The following TENM2 variants were observed in gnomAD, a reference collection of about 807,000 sequenced individuals.
The protein encoded by TENM2 is teneurin-2.
TENM2 carries 52 observed loss-of-function variants against 245.2 expected under a neutral mutation model. That is an observed-to-expected ratio of 0.21 (90% CI 0.17 to 0.27). The LOEUF is 0.27. Ranked by LOEUF, TENM2 falls within the 10% of genes least tolerant of loss-of-function variation. The pLI is 1.00. For synonymous variants in TENM2, 1,363 were observed against 1,438.9 expected, an observed-to-expected ratio of 0.95 and a Z score of 1.19; for missense variants, 3,046 against 3,666.8, an observed-to-expected ratio of 0.83 and a Z score of 4.37.
At chr5:166,982,609 GA>G in the TENM2 span, among the ~76,000 whole-genome samples, 1 of 152,082 alleles carries the variant, frequency 6.6e-6, no homozygotes, top group African/African-American at 2.4e-5. Context: ...GGGGCAACAT[GA>G]AAAGCCTATG....
chr5:167,160,568 G>A, the TENM2 span, among the ~76,000 whole-genome samples: 2 of 152,232 alleles, frequency 1.3e-5, no homozygotes. Context: ...GACACAATTT[G>A]CTTCGCTGGA....
intron 2 of TENM2, among the ~76,000 whole-genome samples, chr5:167,848,093 G>A (rs1770215763): frequency 6.6e-6 from 1 of 152,162 alleles, no homozygotes; most frequent in African/African-American, 2.4e-5. Flanking sequence ...TGCTGAGCAT[G>A]CCCAATAACA....
At chr5:167,034,755 G>T in the TENM2 span, among the ~76,000 whole-genome samples, 1 of 151,332 alleles carries the variant, frequency 6.6e-6, no homozygotes, top group Non-Finnish European at 1.5e-5. Flanking sequence ...GACAATTTCC[G>T]AGTCTCTTTG....
At chr5:167,401,911 T>G (rs1441872438) in intron 2 of TENM2, among the ~76,000 whole-genome samples, 1 of 152,140 alleles carries the variant, frequency 6.6e-6, no homozygotes, top group Non-Finnish European at 1.5e-5. Flanking sequence ...ACAGAACTTA[T>G]AGAGGATATA....
At chr5:168,018,031 T>G (rs989631378) in intron 5 of TENM2, among the ~76,000 whole-genome samples, 3 of 152,246 alleles carry the variant, frequency 2.0e-5, no homozygotes, top group African/African-American at 7.2e-5. Flanking sequence ...ACAGAAGAGC[T>G]GTCTTTGTTT....
the TENM2 span, among the ~76,000 whole-genome samples, chr5:167,096,242 A>T: frequency 6.6e-6 from 1 of 152,320 alleles, no homozygotes; most frequent in South Asian, 2.1e-4. Flanking sequence ...CACCTCACAT[A>T]CTTATCTCTC....
At chr5:167,711,879 A>G (rs1758934854) in intron 2 of TENM2, among the ~76,000 whole-genome samples, 1 of 152,200 alleles carries the variant, frequency 6.6e-6, no homozygotes, top group African/African-American at 2.4e-5. Flanking sequence ...TTTCAGAGTA[A>G]CTTATTTCAG....
chr5:167,117,549 A>G, the TENM2 span, among the ~76,000 whole-genome samples: 1 of 152,154 alleles, frequency 6.6e-6, no homozygotes, highest in Non-Finnish European at 1.5e-5. Flanking sequence ...ATAAAAACAT[A>G]GAGGTGAACA....
the TENM2 span, among the ~76,000 whole-genome samples, chr5:167,148,567 T>C: frequency 6.6e-6 from 1 of 152,200 alleles, no homozygotes; most frequent in Non-Finnish European, 1.5e-5. Flanking sequence ...CAAACATCTG[T>C]AGTTTTTAGT....
At chr5:168,084,165 A>G (rs972155528) in intron 7 of TENM2, among the ~76,000 whole-genome samples, 1 of 152,188 alleles carries the variant, frequency 6.6e-6, no homozygotes, top group African/African-American at 2.4e-5. Context: ...CACTCTTGGT[A>G]GGCACCTAGG....
the TENM2 span, among the ~76,000 whole-genome samples, chr5:167,246,733 A>G: frequency 6.6e-6 from 1 of 151,832 alleles, no homozygotes; most frequent in Non-Finnish European, 1.5e-5. Flanking sequence ...CTGCTTGCCC[A>G]TGTGTTTATA....
At chr5:167,596,577 A>G (rs1054306677) in intron 2 of TENM2, among the ~76,000 whole-genome samples, 18 of 152,076 alleles carry the variant, frequency 1.2e-4, no homozygotes, top group Non-Finnish European at 2.6e-4. Context: ...GCGGATCACG[A>G]GGTTAGGAGA....
In TENM2 at chr5:167,327,135, AT is replaced by A. The variant is rs1269757794; in HGVS notation, c.226+42075del. On this transcript the variant is annotated intron_variant, in intron 1 of 28. Coordinates refer to ENST00000518659, the Ensembl canonical transcript of TENM2. ...GGTGTGCTGCACCCATTAACTCGTC[AT>A]TTAGCATTAGATATATCTCCTAATG... Among the ~76,000 whole-genome samples, 5 of 152,170 alleles carry A rather than the reference AT, an allele frequency of 3.3e-5. No homozygotes were observed. The South Asian group carries it at 6.2e-4, about 19-fold the overall frequency.
intron 2 of TENM2, among the ~76,000 whole-genome samples, chr5:167,749,778 C>A (rs191225109): frequency 7.7e-4 from 117 of 152,230 alleles, no homozygotes; most frequent in African/African-American, 2.6e-3. Flanking sequence ...CAGTCAATGA[C>A]TGTGCACTGG....
At chr5:168,066,633 A>G (rs1236675608) in intron 7 of TENM2, among the ~76,000 whole-genome samples, 2 of 152,286 alleles carry the variant, frequency 1.3e-5, no homozygotes, top group Non-Finnish European at 2.9e-5. Flanking sequence ...GGTAGGTATT[A>G]TATATTGAGC....
chr5:167,822,262 T>G (rs1400561301), intron 2 of TENM2, among the ~76,000 whole-genome samples: 2 of 152,134 alleles, frequency 1.3e-5, no homozygotes, highest in African/African-American at 2.4e-5. Context: ...TGAGGGGTTG[T>G]CAATAAGCTG....
chr5:167,813,938 C>T (rs1265708497), intron 2 of TENM2, among the ~76,000 whole-genome samples: 3 of 152,098 alleles, frequency 2.0e-5, no homozygotes, highest in Admixed American at 1.3e-4. Flanking sequence ...GGGACGGGAG[C>T]ATGGGCATCG....
chr5:168,131,014 G>A (rs777113696), intron 12 of TENM2, among the ~76,000 whole-genome samples: 1 of 152,194 alleles, frequency 6.6e-6, no homozygotes, highest in African/African-American at 2.4e-5. Context: ...AGTAAATGTA[G>A]ATCAGCGTCT....
At chr5:167,099,011 A>G in the TENM2 span, among the ~76,000 whole-genome samples, 1 of 152,188 alleles carries the variant, frequency 6.6e-6, no homozygotes, top group Non-Finnish European at 1.5e-5. Flanking sequence ...AGATTTTTCA[A>G]AAAAATTTCT....
Sources: allele counts gnomAD v4.1 joint callset (sites outside exome capture counted in the v4.1 genomes callset), GRCh38; gene constraint gnomAD v4.1.1; transcripts MANE v1.5; gene names NCBI Gene and HGNC (gene_info 2026-07-23, HGNC 2026-07-21).